Variants in PSMB7 observed in about 807,000 individuals in gnomAD.
PSMB7 encodes proteasome 20S subunit beta 7.
A neutral mutation model predicts 28.1 loss-of-function variants in PSMB7; 5 were observed. The observed-to-expected ratio is 0.18, with a 90% CI of 0.09 to 0.37. The LOEUF is 0.37. PSMB7 is among the 10% of genes least tolerant of loss of function. The pLI, the probability that PSMB7 is intolerant of heterozygous loss-of-function variation, is 1.00. For synonymous variants in PSMB7, 122 were observed against 123.7 expected (o/e 0.99, Z 0.09); for missense variants, 275 against 346.2 (o/e 0.79, Z 1.63).
At chr9:124,361,126 A>ACTTCTTGCTTTATGG (rs1830462277) in intron 6 of PSMB7, among the ~76,000 whole-genome samples, 1 of 152,240 alleles carries the variant, frequency 6.6e-6, no homozygotes, top group South Asian at 2.1e-4. Flanking sequence ...TAAAAGGAAC[A>ACTTCTTGCTTTATGG]CTTCTTGCTT....
chr9:124,408,300 A>T (rs1830989098), intron 4 of PSMB7, among the ~76,000 whole-genome samples: 1 of 152,240 alleles, frequency 6.6e-6, no homozygotes, highest in Non-Finnish European at 1.5e-5. Context: ...TAAATGTGCA[A>T]AACTAAATAA....
Position 124,358,290 on chromosome 9 carries a change from G to A in PSMB7, c.571-1375C>T, listed in dbSNP as rs1050956658. 8.5e-5 allele frequency among the ~76,000 whole-genome samples: 13 copies of A among 152,250 alleles called. No individual in the cohort carries two copies. In the South Asian group the frequency reaches 2.5e-3, roughly 29 times the overall value. On this transcript the variant is annotated intron_variant, in intron 6 of 7. Coordinates refer to ENST00000259457, the MANE Select transcript of PSMB7 (RefSeq NM_002799.4). ...AGACTAGGATTCCAGTGACATAAGC[G>A]CCCTCTACAGACTCAGAAGGACAGA... is the stretch of plus-strand genomic sequence containing the variant.
In PSMB7 at chr9:124,357,535, G is replaced by C. The variant is rs566031539; in HGVS notation, c.571-620C>G. ...GACCAAGGGCGGGACCTCTTGCCCAGAATAATCTCTCTCTCCTACTAAGGA... is the reference window on the plus strand; with the variant it reads ...GACCAAGGGCGGGACCTCTTGCCCACAATAATCTCTCTCTCCTACTAAGGA... On this transcript the variant is annotated intron_variant, in intron 6 of 7. Coordinates refer to ENST00000259457, the MANE Select transcript of PSMB7 (RefSeq NM_002799.4). Among the ~76,000 whole-genome samples, 5 of 152,344 alleles carry C rather than the reference G, an allele frequency of 3.3e-5. No individual in the cohort carries two copies. The East Asian group carries it at 5.8e-4, about 18-fold the overall frequency.
At chr9:124,405,596 A>G (rs1011674000) in intron 4 of PSMB7, among the ~76,000 whole-genome samples, 164 bp from the exon 5 acceptor site, 1 of 152,252 alleles carries the variant, frequency 6.6e-6, no homozygotes. Flanking sequence ...AGGGAACATT[A>G]GATGAACATC....
intron 5 of PSMB7, among the ~76,000 whole-genome samples, chr9:124,395,982 A>G (rs1160614617): frequency 6.6e-6 from 1 of 152,198 alleles, no homozygotes; most frequent in Non-Finnish European, 1.5e-5. Flanking sequence ...GTTCCTATGG[A>G]GACACATGCT....
At chr9:124,390,265 T>C (rs1033141634) in intron 5 of PSMB7, among the ~76,000 whole-genome samples, 2 of 152,224 alleles carry the variant, frequency 1.3e-5, no homozygotes, top group Admixed American at 6.5e-5. Context: ...TGGATAGAAC[T>C]CTTCTAATGG....
intron 6 of PSMB7, among the ~76,000 whole-genome samples, chr9:124,369,123 G>A (rs1319804749): frequency 6.6e-6 from 1 of 152,170 alleles, no homozygotes; most frequent in Non-Finnish European, 1.5e-5. Flanking sequence ...CGGCGAGAAT[G>A]ACCACATTCT....
At chr9:124,383,548 C>T (rs1242402997) in intron 6 of PSMB7, 1 of 152,174 alleles carries the variant, frequency 6.6e-6, no homozygotes, top group Non-Finnish European at 1.5e-5. Flanking sequence ...GCAGAGAGAG[C>T]TTCAGAGTTC....
At position 124,353,542 on chromosome 9, in the gene PSMB7, T is replaced by C. The variant is rs938775627; in HGVS notation, c.*56A>G. The C allele has an allele frequency of 6.4e-6, 8 of 1,247,342 alleles. No homozygotes were observed. The highest frequency in any genetic ancestry group is 5.9e-5 in the African/African-American group (4 of 67,258). 77.3% of individuals were successfully genotyped at this position (1,247,342 alleles called of 1,614,324 possible). On this transcript the variant is annotated 3_prime_UTR_variant, in exon 8 of 8. Transcript: ENST00000259457. ...AACACTAGCCACATGAGTGTCTTAC[T>C]GGGCCTCAATGCTCACCACCTTCCA...
intron 6 of PSMB7, among the ~76,000 whole-genome samples, chr9:124,380,578 T>C (rs1288801049): frequency 6.6e-6 from 1 of 151,900 alleles, no homozygotes; most frequent in Non-Finnish European, 1.5e-5. Context: ...AACCAGTACA[T>C]CAAACCCAGG....
intron 6 of PSMB7, among the ~76,000 whole-genome samples, chr9:124,364,921 C>T: frequency 6.6e-6 from 1 of 152,334 alleles, no homozygotes; most frequent in Middle Eastern, 3.4e-3. Flanking sequence ...CTGCTAGATG[C>T]TGGGCACATG....
At chr9:124,401,321 G>A (rs1409432523) in intron 5 of PSMB7, among the ~76,000 whole-genome samples, 1 of 152,126 alleles carries the variant, frequency 6.6e-6, no homozygotes, top group Admixed American at 6.6e-5. Flanking sequence ...TCTAATGACT[G>A]TTCTTTTCCT....
intron 6 of PSMB7, among the ~76,000 whole-genome samples, chr9:124,368,967 C>T (rs1041997169): frequency 1.3e-5 from 2 of 152,194 alleles, no homozygotes; most frequent in Non-Finnish European, 2.9e-5. Flanking sequence ...ACCGCTCTAT[C>T]CCCTAATTCC....
At chr9:124,381,480 G>A (rs1830664037) in intron 6 of PSMB7, among the ~76,000 whole-genome samples, 1 of 152,212 alleles carries the variant, frequency 6.6e-6, no homozygotes, top group Non-Finnish European at 1.5e-5. Flanking sequence ...AAAGGCAGCA[G>A]TGCTATTCTC....
At chr9:124,385,701 ACATCGCT>A (rs1174170916) in intron 5 of PSMB7, among the ~76,000 whole-genome samples, 1 of 152,258 alleles carries the variant, frequency 6.6e-6, no homozygotes, top group Non-Finnish European at 1.5e-5. Flanking sequence ...TGATTTGTGT[ACATCGCT>A]TGACCACCTC....
At chr9:124,398,416 G>T in intron 5 of PSMB7, 1 of 318,308 alleles carries the variant, frequency 3.1e-6, no homozygotes, top group Non-Finnish European at 6.5e-6. Flanking sequence ...ACAAAGCCCA[G>T]GCGAGTACAA....
At chr9:124,383,022 A>G (rs1372731953) in intron 6 of PSMB7, among the ~76,000 whole-genome samples, 1 of 152,260 alleles carries the variant, frequency 6.6e-6, no homozygotes, top group Non-Finnish European at 1.5e-5. Context: ...TTTTCTAAAC[A>G]AAACTCAAGA....
intron 5 of PSMB7, among the ~76,000 whole-genome samples, chr9:124,385,830 G>A (rs913498586): frequency 2.6e-5 from 4 of 152,146 alleles, no homozygotes; most frequent in African/African-American, 9.7e-5. Context: ...TGACAGCAAC[G>A]CCGCATTGAG....
chr9:124,368,224 G>T (rs966808408), intron 6 of PSMB7, among the ~76,000 whole-genome samples: 6 of 152,112 alleles, frequency 3.9e-5, no homozygotes, highest in African/African-American at 9.7e-5. Flanking sequence ...AGGTGATTTG[G>T]TTTTTTCCAC....
Sources: gnomAD v4.1 joint callset for allele counts (sites outside exome capture counted in the v4.1 genomes callset) on GRCh38, gnomAD v4.1.1 for gene constraint, MANE v1.5 for transcripts, NCBI Gene and HGNC (gene_info 2026-07-23, HGNC 2026-07-21) for gene names.